Variants in PTPRN2 observed in about 807,000 individuals in gnomAD.
PTPRN2 encodes protein tyrosine phosphatase receptor type N2.
Under a neutral mutation model 118.8 loss-of-function variants are expected in PTPRN2, and 74 were observed. The ratio of observed to expected loss-of-function variants is 0.62; its 90% CI spans 0.52 to 0.76. The LOEUF (loss-of-function observed/expected upper bound fraction) is 0.76. Among genes scored for constraint, PTPRN2 ranks in the 30% least tolerant of loss-of-function variants. The pLI is 0.00. For synonymous variants in PTPRN2, 641 were observed against 608.0 expected, an observed-to-expected ratio of 1.05 and a Z score of -0.80; for missense variants, 1,481 against 1,394.4, an observed-to-expected ratio of 1.06 and a Z score of -0.99.
At chr7:158,391,421 G>A (rs1284188123) in intron 2 of PTPRN2, among the ~76,000 whole-genome samples, 3 of 152,208 alleles carry the variant, frequency 2.0e-5, no homozygotes, top group East Asian at 3.9e-4. Context: ...TCTCTCCTTC[G>A]GACGCTGACT....
chr7:157,863,559 C>T (rs1002588224), intron 12 of PTPRN2: 3 of 152,230 alleles, frequency 2.0e-5, no homozygotes, highest in Non-Finnish European at 4.4e-5. Context: ...AAAAGTAATT[C>T]AAAACTTTGA....
rs139396916 is a variant in PTPRN2 at position 157,945,849 on chromosome 7, C to T, written c.1724-47112G>A. 3.0e-3 allele frequency among the ~76,000 whole-genome samples: 460 copies of T among 152,204 alleles called. 3 individuals carry two copies. Among genetic ancestry groups the T allele is most frequent in the Non-Finnish European group, 5.0e-3 (343 of 68,018 alleles). ...GTCCAGCCACACCACTTCCTGGCTT[C>T]AGTTGTCCCATCAGACGACGGGTCA... On this transcript the variant is annotated intron_variant, in intron 11 of 22. Transcript: ENST00000389418.
chr7:158,586,228 C>T lies in PTPRN2; in HGVS notation c.112+1330G>A, dbSNP rs35225796. Among the ~76,000 whole-genome samples, 504 of 152,342 alleles carry T rather than the reference C, an allele frequency of 3.3e-3. 1 individual carries two copies. The highest frequency in any genetic ancestry group is 6.2e-3 in the Non-Finnish European group (419 of 68,022). ...TAGGGAGTGTGAGGAAACCTCAAGG[C>T]AAGGGAGGAATTCAGGGGACTCTGG... On this transcript the variant is annotated intron_variant, in intron 1 of 22. Coordinates refer to ENST00000389418, the MANE Select transcript of PTPRN2 (RefSeq NM_002847.5).
At chr7:158,333,913 T>TAA (rs1805037443) in intron 2 of PTPRN2, among the ~76,000 whole-genome samples, 4 of 133,956 alleles carry the variant, frequency 3.0e-5, no homozygotes, top group Non-Finnish European at 4.6e-5. Context: ...CAGACGTCAC[T>TAA]CACACCCACA....
intron 3 of PTPRN2, among the ~76,000 whole-genome samples, chr7:158,291,257 T>A (rs1317479712): frequency 6.6e-6 from 1 of 152,252 alleles, no homozygotes; most frequent in Non-Finnish European, 1.5e-5. Flanking sequence ...CTTTGTATTA[T>A]TCAAGATGTC....
intron 10 of PTPRN2, among the ~76,000 whole-genome samples, chr7:158,099,950 T>C (rs1359703563): frequency 6.6e-6 from 1 of 150,672 alleles, no homozygotes; most frequent in East Asian, 2.0e-4. Flanking sequence ...ATTTTTATTT[T>C]CCATAGGTTT....
intron 5 of PTPRN2, among the ~76,000 whole-genome samples, chr7:158,183,082 T>G (rs979235207): frequency 6.6e-6 from 1 of 152,212 alleles, no homozygotes; most frequent in Non-Finnish European, 1.5e-5. Flanking sequence ...TGCTTTAAAG[T>G]CTGTTTTATC....
At chr7:157,607,794 G>T (rs1276312457) in intron 15 of PTPRN2, among the ~76,000 whole-genome samples, 1 of 152,184 alleles carries the variant, frequency 6.6e-6, no homozygotes, top group East Asian at 1.9e-4. Context: ...CCCTAGCTCG[G>T]GAGTCCTGGG....
At chr7:157,581,973 G>A (rs1367434886) in intron 17 of PTPRN2, among the ~76,000 whole-genome samples, 3 of 152,364 alleles carry the variant, frequency 2.0e-5, no homozygotes, top group South Asian at 4.1e-4. Flanking sequence ...AGGCGGCCAC[G>A]GGACACTGCA....
At chr7:158,444,949 C>T (rs57422972) in intron 2 of PTPRN2, among the ~76,000 whole-genome samples, 3 of 152,166 alleles carry the variant, frequency 2.0e-5, no homozygotes, top group Non-Finnish European at 4.4e-5. Context: ...CCGCACCCGG[C>T]GGGGCACCAT....
chr7:158,556,204 C>T (rs920527978), intron 1 of PTPRN2, among the ~76,000 whole-genome samples: 1 of 152,130 alleles, frequency 6.6e-6, no homozygotes, highest in East Asian at 1.9e-4. Flanking sequence ...GATAGGTAGA[C>T]GATTGACAGG....
At chr7:157,876,619 G>A (rs1169987679) in intron 12 of PTPRN2, among the ~76,000 whole-genome samples, 3 of 152,198 alleles carry the variant, frequency 2.0e-5, no homozygotes, top group Non-Finnish European at 4.4e-5. Flanking sequence ...CAGCTTCCAC[G>A]TCCACCAGGG....
chr7:157,889,098 C>A (rs1796648540), intron 12 of PTPRN2, among the ~76,000 whole-genome samples: 1 of 152,166 alleles, frequency 6.6e-6, no homozygotes, highest in African/African-American at 2.4e-5. Flanking sequence ...AAGGAAAAAA[C>A]TCACTTGCAA....
Position 158,317,590 on chromosome 7 carries a change from C to G in PTPRN2, c.164-658G>C, listed in dbSNP as rs146112222. Among the ~76,000 whole-genome samples the G allele has an allele frequency of 4.9e-3, 753 of 152,314 alleles. 5 individuals are homozygous for G. Among genetic ancestry groups the G allele is most frequent in the Non-Finnish European group, 5.6e-3 (383 of 68,030 alleles). ...TAGTCCCCAATTAGTCTTTATTCGGCGAATTGTTCACTTTGAGACAAGCTT... is the reference window on the plus strand; with the variant it reads ...TAGTCCCCAATTAGTCTTTATTCGGGGAATTGTTCACTTTGAGACAAGCTT... On this transcript the variant is annotated intron_variant, in intron 2 of 22. Coordinates refer to ENST00000389418, the MANE Select transcript of PTPRN2 (RefSeq NM_002847.5).
intron 2 of PTPRN2, among the ~76,000 whole-genome samples, chr7:158,444,947 G>A (rs961306105): frequency 2.7e-5 from 4 of 147,308 alleles, no homozygotes; most frequent in African/African-American, 8.1e-5. Context: ...GGCCGCACCC[G>A]GCGGGGCACC....
chr7:158,477,245 A>G (rs1205333879), intron 2 of PTPRN2, among the ~76,000 whole-genome samples: 1 of 152,154 alleles, frequency 6.6e-6, no homozygotes, highest in Non-Finnish European at 1.5e-5. Context: ...ATTACTAACC[A>G]ATAATGCAAA....
intron 2 of PTPRN2, among the ~76,000 whole-genome samples, chr7:158,401,541 CTGCCATGGGACAGCCCCATGGT>C (rs1245205762): frequency 1.3e-5 from 2 of 152,226 alleles, no homozygotes; most frequent in African/African-American, 4.8e-5. Context: ...AGGAGTGGGG[CTGCCATGGGACAGCCCCATGGT>C]TGCCATGACA....
chr7:158,429,772 G>A (rs1274378288), intron 2 of PTPRN2, among the ~76,000 whole-genome samples: 1 of 152,262 alleles, frequency 6.6e-6, no homozygotes, highest in Non-Finnish European at 1.5e-5. Context: ...GGATGCAGGA[G>A]TGGGTTTCCA....
At position 158,395,284 on chromosome 7, in the gene PTPRN2, T is replaced by TGAGGGGTGAGGGGTGAGGGGC. The variant is rs1197340953; in HGVS notation, c.164-78373_164-78353dup. Among the ~76,000 whole-genome samples, 25 of 7,358 alleles carry TGAGGGGTGAGGGGTGAGGGGC rather than the reference T, an allele frequency of 3.4e-3. 1 individual carries two copies. Among genetic ancestry groups the TGAGGGGTGAGGGGTGAGGGGC allele is most frequent in the African/African-American group, 7.3e-3 (21 of 2,868 alleles). 4.8% of individuals were successfully genotyped at this position (7,358 alleles called of 152,430 possible). A position where few individuals can be genotyped will look rare whatever the true frequency, so the allele number is the denominator to read the frequency against. Reference sequence around the variant, plus strand: ...GCGCCCAGGGCTGTCCCTGCACAAGTGAGGGGTGAGGGGTGAGGGGCGAGG... The same window carrying TGAGGGGTGAGGGGTGAGGGGC: ...GCGCCCAGGGCTGTCCCTGCACAAGTGAGGGGTGAGGGGTGAGGGGCGAGGGGTGAGGGGTGAGGGGCGAGG... On this transcript the variant is annotated intron_variant, in intron 2 of 22. Transcript: ENST00000389418.
Sources: gnomAD v4.1 joint callset for allele counts (sites outside exome capture counted in the v4.1 genomes callset) on GRCh38, gnomAD v4.1.1 for gene constraint, MANE v1.5 for transcripts, NCBI Gene and HGNC (gene_info 2026-07-23, HGNC 2026-07-21) for gene names.